Variants in RYR3 observed in about 807,000 individuals in gnomAD.
RYR3 encodes the protein brain ryanodine receptor-calcium release channel.
Under a neutral mutation model 584.3 loss-of-function variants are expected in RYR3, and 207 were observed. The ratio of observed to expected loss-of-function variants is 0.35; its 90% CI spans 0.32 to 0.40. RYR3 has a LOEUF of 0.40. Ranked by LOEUF, RYR3 falls within the 10% of genes least tolerant of loss-of-function variation. The probability of loss-of-function intolerance (pLI) is 1.00; values close to 1 mark genes in which losing one functional copy is unlikely to be tolerated. For synonymous variants in RYR3, 2,416 were observed against 2,248.5 expected (o/e 1.07, Z -2.11); for missense variants, 5,616 against 6,089.2 (o/e 0.92, Z 2.59).
intron 76 of RYR3, 78 bp downstream of exon 76, chr15:33,818,762 G>A (rs978885302): frequency 2.8e-5 from 28 of 996,942 alleles, no homozygotes; most frequent in East Asian, 1.8e-4. Flanking sequence ...TCTCTCAGAC[G>A]GCAGTGGGTG....
At chr15:33,841,758 C>T (rs1196943836) in intron 90 of RYR3, 106 bp from the exon 91 acceptor site, 6 of 1,146,972 alleles carry the variant, frequency 5.2e-6, no homozygotes, top group African/African-American at 3.1e-5. Context: ...AGGAATGATT[C>T]TACCTCCCGG....
intron 38 of RYR3, among the ~76,000 whole-genome samples, chr15:33,680,126 A>G (rs945230367): frequency 3.3e-5 from 5 of 152,222 alleles, no homozygotes; most frequent in African/African-American, 1.2e-4. Context: ...AATGAGAATA[A>G]TAGTAGCTCC....
chr15:33,494,660 AG>A (rs931273021), intron 2 of RYR3, among the ~76,000 whole-genome samples: 2 of 69,186 alleles, frequency 2.9e-5, no homozygotes, highest in African/African-American at 5.9e-5. Context: ...CCCACCTCCC[AG>A]AAAAAAGAAT....
At chr15:33,694,296 G>C (rs1012819597) in intron 38 of RYR3, among the ~76,000 whole-genome samples, 2 of 151,098 alleles carry the variant, frequency 1.3e-5, no homozygotes, top group African/African-American at 4.9e-5. Flanking sequence ...CCCAGCTGGA[G>C]TGCAGTGGTG....
chr15:33,646,404 T>G lies in RYR3; in HGVS notation c.3819T>G (p.His1273Gln), dbSNP rs766607821. The part of the protein sequence containing the change: ...MDSPPCLKVT[H>Q]KTFGTQNSNA... Reference sequence around the variant, plus strand: ...GCCCTCCGTGTCTCAAGGTGACGCATAAGACATTTGGCACACAGAATAGCA... The same window carrying G: ...GCCCTCCGTGTCTCAAGGTGACGCAGAAGACATTTGGCACACAGAATAGCA... Residue 1273 changes from histidine to glutamine, a missense_variant, in exon 29 of 104, where the codon CAT (histidine) becomes CAG (glutamine). Around this residue, in one of 9 missense-constraint regions of RYR3, gnomAD observed 753 missense variants for 741.0 expected, o/e 1.02. Coordinates refer to ENST00000634891, the MANE Select transcript of RYR3 (RefSeq NM_001036.6). 1.7e-5 allele frequency: 28 copies of G among 1,613,696 alleles called. No homozygotes were observed. In the Admixed American group the frequency reaches 3.2e-4, roughly 18 times the overall value.
intron 1 of RYR3, among the ~76,000 whole-genome samples, chr15:33,381,130 T>C (rs1415771460): frequency 2.0e-5 from 3 of 152,196 alleles, no homozygotes; most frequent in Non-Finnish European, 4.4e-5. Flanking sequence ...GGCTTGTTAC[T>C]GCCGAGATGA....
At chr15:33,638,375 C>T (rs2061615191) in intron 27 of RYR3, among the ~76,000 whole-genome samples, 1 of 152,176 alleles carries the variant, frequency 6.6e-6, no homozygotes, top group Non-Finnish European at 1.5e-5. Context: ...GGCACATCTC[C>T]AAAGAAAGTC....
At chr15:33,514,244 C>T (rs1312130129) in intron 3 of RYR3, among the ~76,000 whole-genome samples, 1 of 152,118 alleles carries the variant, frequency 6.6e-6, no homozygotes, top group South Asian at 2.1e-4. Context: ...GCATTGGCAC[C>T]GGCACTGATA....
chr15:33,632,892 G>T, intron 23 of RYR3, 57 bp from the exon 24 acceptor site: 2 of 1,498,314 alleles, frequency 1.3e-6, no homozygotes, highest in Non-Finnish European at 1.8e-6. Context: ...TCTAAAATCC[G>T]GAATGAGAAA....
intron 10 of RYR3, among the ~76,000 whole-genome samples, chr15:33,557,200 T>C (rs147867838): frequency 2.0e-5 from 3 of 151,964 alleles, no homozygotes; most frequent in African/African-American, 7.3e-5. Flanking sequence ...ATCTATAAAG[T>C]AGGATAATAC....
intron 43 of RYR3, among the ~76,000 whole-genome samples, chr15:33,718,146 G>A (rs779727915): frequency 2.0e-5 from 3 of 152,110 alleles, no homozygotes; most frequent in Non-Finnish European, 4.4e-5. Flanking sequence ...CTGAAGCCCC[G>A]TGTTCTCTCT....
chr15:33,473,246 C>T (rs544892081), intron 1 of RYR3, 173 bp from the exon 2 acceptor site: 77 of 800,330 alleles, frequency 9.6e-5, no homozygotes, highest in East Asian at 8.6e-4. Flanking sequence ...GTAGATGCTC[C>T]GTGATGTCCT....
At chr15:33,611,107 A>C (rs781591809) in intron 18 of RYR3, among the ~76,000 whole-genome samples, 4 of 152,198 alleles carry the variant, frequency 2.6e-5, no homozygotes, top group Non-Finnish European at 5.9e-5. Context: ...ACTCATATCC[A>C]TCAGGTGGGG....
At chr15:33,351,652 CAA>C (rs1973276350) in intron 1 of RYR3, among the ~76,000 whole-genome samples, 2 of 150,758 alleles carry the variant, frequency 1.3e-5, no homozygotes, top group African/African-American at 4.9e-5. Flanking sequence ...GAACCAAAGA[CAA>C]AAACCACATG....
At chr15:33,823,138 A>T (rs1307177621) in intron 81 of RYR3, 66 bp downstream of exon 81, 1 of 1,351,482 alleles carries the variant, frequency 7.4e-7, no homozygotes, top group Non-Finnish European at 1.0e-6. Flanking sequence ...AGGCAGGGGA[A>T]GGGGAGCACA....
chr15:33,601,435 G>A lies in RYR3; in HGVS notation c.1805G>A (p.Cys602Tyr), dbSNP rs754472286. ...CTGCTGCAGGTTCTGGATATCCTGT[G>A]CTCCCTCTGTCTCTGCAATGGGGTT... is the stretch of plus-strand genomic sequence containing the variant. Reference protein sequence around the residue: ...GRNHKVLDILCSLCLCNGVAV... With the variant: ...GRNHKVLDILYSLCLCNGVAV... The change falls in exon 17 of 104, where the codon TGC becomes TAC. Residue 602 changes from cysteine (C) to tyrosine (Y), a missense_variant. Transcript: ENST00000634891. 11 of 1,612,726 alleles carry A rather than the reference G, an allele frequency of 6.8e-6. No individual in the cohort carries two copies. The highest frequency in any genetic ancestry group is 9.3e-6 in the Non-Finnish European group (11 of 1,179,480).
At chr15:33,456,400 AAG>A (rs545510114) in intron 1 of RYR3, among the ~76,000 whole-genome samples, 64 of 152,334 alleles carry the variant, frequency 4.2e-4, no homozygotes, top group African/African-American at 1.4e-3. Context: ...TAATCAGAAA[AAG>A]AAGTGTGCAA....
intron 1 of RYR3, among the ~76,000 whole-genome samples, chr15:33,452,996 C>G (rs1308911808): frequency 6.6e-6 from 1 of 152,156 alleles, no homozygotes; most frequent in Non-Finnish European, 1.5e-5. Flanking sequence ...TTGCCAGAAG[C>G]CTCCTGGCTC....
chr15:33,819,896 A>G, intron 77 of RYR3, 89 bp downstream of exon 77: 1 of 991,146 alleles, frequency 1.0e-6, no homozygotes, highest in Non-Finnish European at 1.5e-6. Context: ...GTTGAATAGC[A>G]GGCCTGGGAC....
Sources: allele counts gnomAD v4.1 joint callset (sites outside exome capture counted in the v4.1 genomes callset), GRCh38; gene constraint gnomAD v4.1.1; regional missense constraint gnomAD v4.1.1; transcripts MANE v1.5; gene names NCBI Gene and HGNC (gene_info 2026-07-23, HGNC 2026-07-21).